Variants in PCDH9 observed in about 807,000 individuals in gnomAD.
The protein encoded by PCDH9 is protocadherin 9.
Under a neutral mutation model 70.6 loss-of-function variants are expected in PCDH9, and 24 were observed. That is an observed-to-expected ratio of 0.34 (90% CI 0.25 to 0.48). The LOEUF (loss-of-function observed/expected upper bound fraction) is 0.48. PCDH9 is among the 20% of genes least tolerant of loss of function. PCDH9 has a pLI of 0.99. For synonymous variants in PCDH9, 562 were observed against 558.5 expected (o/e 1.01, Z -0.09); for missense variants, 1,281 against 1,503.6 (o/e 0.85, Z 2.45).
At chr13:66,942,172 T>C (rs940567695) in intron 2 of PCDH9, among the ~76,000 whole-genome samples, 2 of 151,950 alleles carry the variant, frequency 1.3e-5, no homozygotes, top group African/African-American at 4.8e-5. Flanking sequence ...AAAGCAGTAC[T>C]TTTAGAAACA....
intron 4 of PCDH9, among the ~76,000 whole-genome samples, chr13:66,493,359 G>C (rs1198709190): frequency 6.6e-6 from 1 of 152,070 alleles, no homozygotes; most frequent in African/African-American, 2.4e-5. Flanking sequence ...TTGTTCGCAA[G>C]GTTCTATTCT....
chr13:66,955,418 C>A (rs2083252039), intron 2 of PCDH9, among the ~76,000 whole-genome samples: 1 of 152,154 alleles, frequency 6.6e-6, no homozygotes, highest in African/African-American at 2.4e-5. Flanking sequence ...GAAGAGTCAT[C>A]ATTCCACTTT....
chr13:66,679,952 CT>C (rs557521633), intron 3 of PCDH9, among the ~76,000 whole-genome samples: 101 of 151,920 alleles, frequency 6.6e-4, no homozygotes, highest in African/African-American at 2.4e-3. Flanking sequence ...TTTTAAACAT[CT>C]TTTTTAATAC....
At chr13:67,113,776 T>C (rs1019633534) in intron 2 of PCDH9, among the ~76,000 whole-genome samples, 1 of 152,164 alleles carries the variant, frequency 6.6e-6, no homozygotes, top group Non-Finnish European at 1.5e-5. Flanking sequence ...CTTGAACTTC[T>C]GACCTCATGA....
chr13:66,338,438 G>C (rs1956073107), intron 4 of PCDH9, among the ~76,000 whole-genome samples: 1 of 152,044 alleles, frequency 6.6e-6, no homozygotes, highest in Admixed American at 6.6e-5. Context: ...AGAAATGATA[G>C]AAACAGCATC....
intron 4 of PCDH9, among the ~76,000 whole-genome samples, chr13:66,529,957 A>G (rs1275089885): frequency 1.3e-5 from 2 of 151,980 alleles, no homozygotes; most frequent in East Asian, 3.9e-4. Flanking sequence ...AACTTTTATG[A>G]TGAATTATAA....
chr13:66,730,876 G>GTGTGTTT (rs1555262846), intron 3 of PCDH9, among the ~76,000 whole-genome samples: 8 of 46,358 alleles, frequency 1.7e-4, no homozygotes, highest in African/African-American at 4.5e-4. Flanking sequence ...GTGTGTGTGT[G>GTGTGTTT]TTTTTTTTTT....
chr13:66,655,298 A>T (rs1449198151), intron 3 of PCDH9, among the ~76,000 whole-genome samples: 1 of 152,076 alleles, frequency 6.6e-6, no homozygotes, highest in Non-Finnish European at 1.5e-5. Context: ...GGCCCAAAAG[A>T]GCTGTACAGA....
chr13:66,785,431 AT>A (rs569989851), intron 3 of PCDH9, among the ~76,000 whole-genome samples: 2,195 of 151,394 alleles, frequency 0.014, 20 homozygotes, highest in Non-Finnish European at 0.022. Flanking sequence ...TCACTTAATG[AT>A]TTTTTTTTAT....
At chr13:66,448,543 C>T (rs1196540493) in intron 4 of PCDH9, among the ~76,000 whole-genome samples, 3 of 152,080 alleles carry the variant, frequency 2.0e-5, no homozygotes, top group East Asian at 1.9e-4. Context: ...TTAGTGTAAA[C>T]GGAAATGTTT....
At chr13:66,933,118 A>G (rs2082843716) in intron 2 of PCDH9, among the ~76,000 whole-genome samples, 1 of 151,986 alleles carries the variant, frequency 6.6e-6, no homozygotes, top group Non-Finnish European at 1.5e-5. Flanking sequence ...TCAGTGTTAT[A>G]GGAAACCAAC....
intron 3 of PCDH9, among the ~76,000 whole-genome samples, chr13:66,655,343 A>T (rs2077914600): frequency 6.6e-6 from 1 of 152,020 alleles, no homozygotes; most frequent in Non-Finnish European, 1.5e-5. Flanking sequence ...GCTTTCCAGC[A>T]TTTCTTTATT....
intron 4 of PCDH9, among the ~76,000 whole-genome samples, chr13:66,383,257 G>T (rs887282714): frequency 1.6e-4 from 24 of 152,132 alleles, no homozygotes; most frequent in Admixed American, 1.3e-4. Context: ...CTTCACCAAC[G>T]TATAAGAGGA....
intron 4 of PCDH9, among the ~76,000 whole-genome samples, chr13:66,626,887 C>T (rs1009775716): frequency 1.3e-5 from 2 of 150,978 alleles, no homozygotes; most frequent in Non-Finnish European, 2.9e-5. Context: ...TACTAATAAC[C>T]CAGAAGTATA....
intron 4 of PCDH9, among the ~76,000 whole-genome samples, chr13:66,488,709 A>G (rs1958986565): frequency 6.6e-6 from 1 of 152,202 alleles, no homozygotes. Flanking sequence ...GAAAATTTAT[A>G]TATGTGTGTG....
intron 4 of PCDH9, among the ~76,000 whole-genome samples, chr13:66,519,753 A>G (rs1566387157): frequency 6.6e-6 from 1 of 152,102 alleles, no homozygotes; most frequent in South Asian, 2.1e-4. Flanking sequence ...TCTCAATTAT[A>G]TAAGCTTTGT....
intron 4 of PCDH9, among the ~76,000 whole-genome samples, chr13:66,527,710 A>G (rs2138625074): frequency 6.6e-6 from 1 of 152,280 alleles, no homozygotes; most frequent in Non-Finnish European, 1.5e-5. Context: ...ATAAAGGAAC[A>G]GGTCATTTAT....
intron 2 of PCDH9, among the ~76,000 whole-genome samples, chr13:67,089,429 G>C (rs978787165): frequency 1.3e-5 from 2 of 151,934 alleles, no homozygotes; most frequent in African/African-American, 4.8e-5. Flanking sequence ...GGATCCAAAG[G>C]CTACAGACAA....
chr13:66,559,657 G>A (rs9529094), intron 4 of PCDH9, among the ~76,000 whole-genome samples: 104,810 of 150,942 alleles, frequency 0.69, 37,759 homozygotes, highest in East Asian at 0.82. Flanking sequence ...AAAATTAGCC[G>A]GGCGTGGTGG....
Sources: gnomAD v4.1 joint callset for allele counts (sites outside exome capture counted in the v4.1 genomes callset) on GRCh38, gnomAD v4.1.1 for gene constraint, MANE v1.5 for transcripts, NCBI Gene and HGNC (gene_info 2026-07-23, HGNC 2026-07-21) for gene names.